Variants in KCNMA1 observed in about 807,000 individuals in gnomAD.
KCNMA1 encodes potassium calcium-activated channel subfamily M alpha 1, also known as Calcium-activated potassium channel subunit alpha-1.
A neutral mutation model predicts 140.0 loss-of-function variants in KCNMA1; 29 were observed. That is an observed-to-expected ratio of 0.21 (90% CI 0.15 to 0.28). The LOEUF (loss-of-function observed/expected upper bound fraction) is 0.28. Ranked by LOEUF, KCNMA1 falls within the 10% of genes least tolerant of loss-of-function variation. KCNMA1 has a pLI of 1.00. For missense variants in KCNMA1, 880 were observed against 1,602.2 expected (o/e 0.55, Z 7.70); for synonymous variants, 612 against 611.9 (o/e 1.00, Z 0.00).
At chr10:77,387,527 GTTCTTTTCTTTTCTT>G (rs57906683) in intron 2 of KCNMA1, among the ~76,000 whole-genome samples, 5 of 139,322 alleles carry the variant, frequency 3.6e-5, no homozygotes, top group Non-Finnish European at 7.6e-5. Flanking sequence ...TCATGGAATT[GTTCTTTTCTTTTCTT>G]TTCTTTTCTT....
chr10:77,295,787 C>CAAAAAAAAAAAAAAAAAAA (rs36034012), intron 2 of KCNMA1, among the ~76,000 whole-genome samples: 1 of 43,244 alleles, frequency 2.3e-5, no homozygotes, highest in African/African-American at 8.5e-5. Flanking sequence ...GACTCCGTCT[C>CAAAAAAAAAAAAAAAAAAA]AAAAAAAAAA....
At chr10:77,219,076 G>T (rs189313518) in intron 3 of KCNMA1, among the ~76,000 whole-genome samples, 25 of 151,900 alleles carry the variant, frequency 1.6e-4, no homozygotes, top group African/African-American at 5.8e-4. Context: ...GGTTCATTTC[G>T]TCTAGTGACA....
intron 1 of KCNMA1, among the ~76,000 whole-genome samples, chr10:77,546,601 C>G (rs2061513872): frequency 6.6e-6 from 1 of 152,234 alleles, no homozygotes; most frequent in African/African-American, 2.4e-5. Flanking sequence ...AGACATGTGT[C>G]CCTTCCCCGG....
At chr10:77,309,981 T>G (rs1462182371) in intron 2 of KCNMA1, among the ~76,000 whole-genome samples, 1 of 152,120 alleles carries the variant, frequency 6.6e-6, no homozygotes, top group East Asian at 1.9e-4. Context: ...GGATAAAGCT[T>G]GTGGGGCATG....
chr10:77,507,800 C>T (rs2046690237), intron 1 of KCNMA1, among the ~76,000 whole-genome samples: 1 of 152,202 alleles, frequency 6.6e-6, no homozygotes, highest in African/African-American at 2.4e-5. Flanking sequence ...TGGAAAGCAA[C>T]TTGGCAATGT....
intron 14 of KCNMA1, among the ~76,000 whole-genome samples, chr10:77,042,733 T>C (rs2094805800): frequency 6.6e-6 from 1 of 152,226 alleles, no homozygotes; most frequent in African/African-American, 2.4e-5. Flanking sequence ...CTATTCTTTA[T>C]ACCAAATTTT....
intron 19 of KCNMA1, among the ~76,000 whole-genome samples, chr10:76,976,695 G>A (rs541867726): frequency 1.3e-5 from 2 of 152,166 alleles, no homozygotes; most frequent in East Asian, 1.9e-4. Flanking sequence ...TGACCTGTTA[G>A]AATCATTGCC....
intron 2 of KCNMA1, among the ~76,000 whole-genome samples, chr10:77,295,119 G>A (rs1344420977): frequency 6.6e-6 from 1 of 151,934 alleles, no homozygotes; most frequent in Non-Finnish European, 1.5e-5. Context: ...AAGCCAAGGT[G>A]GGCAGATCAC....
At chr10:77,305,950 T>C (rs2077597100) in intron 2 of KCNMA1, among the ~76,000 whole-genome samples, 1 of 152,214 alleles carries the variant, frequency 6.6e-6, no homozygotes. Flanking sequence ...ATTTGCTTGG[T>C]TTATGAGTAG....
chr10:77,264,048 T>C (rs893662337), intron 2 of KCNMA1, among the ~76,000 whole-genome samples: 1 of 152,154 alleles, frequency 6.6e-6, no homozygotes, highest in Non-Finnish European at 1.5e-5. Flanking sequence ...TTTCACAAGA[T>C]AGCATCCCTC....
At chr10:77,306,363 TA>T (rs1263756510) in intron 2 of KCNMA1, among the ~76,000 whole-genome samples, 2 of 152,146 alleles carry the variant, frequency 1.3e-5, no homozygotes, top group Admixed American at 1.3e-4. Context: ...CCTGATCTGG[TA>T]GGGGTGATGC....
intron 18 of KCNMA1, among the ~76,000 whole-genome samples, chr10:77,006,909 C>T (rs1222737122): frequency 6.6e-6 from 1 of 152,092 alleles, no homozygotes; most frequent in African/African-American, 2.4e-5. Flanking sequence ...TGAAGAAGGT[C>T]ATCATTGTGT....
At chr10:77,588,248 A>C (rs1162095464) in intron 1 of KCNMA1, among the ~76,000 whole-genome samples, 1 of 152,226 alleles carries the variant, frequency 6.6e-6, no homozygotes, top group South Asian at 2.1e-4. Context: ...GGCAGACAGG[A>C]GGCTGAGAGC....
chr10:77,608,894 C>T (rs190413090), intron 1 of KCNMA1, among the ~76,000 whole-genome samples: 1 of 152,134 alleles, frequency 6.6e-6, no homozygotes, highest in Non-Finnish European at 1.5e-5. Flanking sequence ...TGAGTTATAA[C>T]CTCACACCTG....
intron 2 of KCNMA1, among the ~76,000 whole-genome samples, chr10:77,352,652 G>GTGTGTGTT (rs1555226545): frequency 4.5e-4 from 68 of 151,746 alleles, no homozygotes; most frequent in African/African-American, 1.6e-3. Context: ...GTGTGTGTTT[G>GTGTGTGTT]TGTGTGTGTG....
intron 3 of KCNMA1, among the ~76,000 whole-genome samples, chr10:77,214,084 G>C (rs1421860837): frequency 6.6e-6 from 1 of 152,124 alleles, no homozygotes; most frequent in African/African-American, 2.4e-5. Context: ...CTTCACACCA[G>C]CTCTGGAAAG....
intron 1 of KCNMA1, among the ~76,000 whole-genome samples, chr10:77,503,908 G>A (rs2044823829): frequency 1.3e-5 from 2 of 152,086 alleles, no homozygotes; most frequent in Non-Finnish European, 2.9e-5. Context: ...AGTTTTCACT[G>A]GGCATTTTCT....
chr10:77,252,614 CCACA>C (rs537358065), intron 2 of KCNMA1, among the ~76,000 whole-genome samples: 23 of 147,662 alleles, frequency 1.6e-4, no homozygotes, highest in Non-Finnish European at 3.4e-4. Context: ...TTACACCCAC[CCACA>C]CACACACACA....
chr10:77,035,645 C>A (rs1032275558), intron 15 of KCNMA1, among the ~76,000 whole-genome samples: 3 of 152,204 alleles, frequency 2.0e-5, no homozygotes, highest in Admixed American at 6.5e-5. Flanking sequence ...CATTAAATAT[C>A]TGATTAATCG....
Sources: gnomAD v4.1 joint callset for allele counts (sites outside exome capture counted in the v4.1 genomes callset) on GRCh38, gnomAD v4.1.1 for gene constraint, MANE v1.5 for transcripts, NCBI Gene and HGNC (gene_info 2026-07-23, HGNC 2026-07-21) for gene names.